Variants in PRDM5 observed in about 807,000 individuals in gnomAD.
The protein encoded by PRDM5 is PR/SET domain 5.
A neutral mutation model predicts 81.2 loss-of-function variants in PRDM5; 56 were observed. That is an observed-to-expected ratio of 0.69 (90% CI 0.56 to 0.86). The LOEUF is 0.86. PRDM5 is among the 40% of genes least tolerant of loss of function. PRDM5 has a pLI of 0.00. For missense variants in PRDM5, 697 were observed against 770.1 expected, an observed-to-expected ratio of 0.91 and a Z score of 1.12; for synonymous variants, 267 against 256.4, an observed-to-expected ratio of 1.04 and a Z score of -0.39.
intron 1 of PRDM5, among the ~76,000 whole-genome samples, chr4:120,685,873 A>G (rs77108502): frequency 0.018 from 2,663 of 151,940 alleles, 80 homozygotes; most frequent in African/African-American, 0.06. Context: ...TATCCTCTCT[A>G]AATCTCATGT....
intron 14 of PRDM5, among the ~76,000 whole-genome samples, chr4:120,722,414 C>G (rs1738758810): frequency 6.6e-6 from 1 of 151,928 alleles, no homozygotes; most frequent in Admixed American, 6.6e-5. Context: ...CTAGCAGAAC[C>G]CTGATTCTAT....
At chr4:120,825,135 C>G (rs1239126848) in intron 3 of PRDM5, among the ~76,000 whole-genome samples, 1 of 152,086 alleles carries the variant, frequency 6.6e-6, no homozygotes, top group Non-Finnish European at 1.5e-5. Context: ...ACTGAGCAAA[C>G]AGCCTAATCT....
intron 3 of PRDM5, chr4:120,838,163 C>T (rs1757579123): frequency 6.6e-6 from 1 of 152,212 alleles, no homozygotes; most frequent in Non-Finnish European, 1.5e-5. Context: ...ACCCCTCTTC[C>T]ATTCAGCCTC....
rs370387683 is a variant in PRDM5 at position 120,863,191 on chromosome 4, T to TACACACACACACACACACACAC, written c.178-9673_178-9652dup. Among the ~76,000 whole-genome samples the TACACACACACACACACACACAC allele has an allele frequency of 2.6e-3, 182 of 70,274 alleles. 1 individual carries two copies. Among genetic ancestry groups the TACACACACACACACACACACAC allele is most frequent in the Non-Finnish European group, 3.9e-3 (140 of 35,962 alleles). The allele number at this position is 70,274 out of a possible 152,430, so 46.1% of individuals were successfully genotyped here. Reference sequence around the variant, plus strand: ...AAAAAAAAAAATATATATATATATATACACACACACACACACACACACACA... The same window carrying TACACACACACACACACACACAC: ...AAAAAAAAAAATATATATATATATATACACACACACACACACACACACACACACACACACACACACACACACA... On this transcript the variant is annotated intron_variant, in intron 2 of 15. Coordinates refer to ENST00000264808, the MANE Select transcript of PRDM5 (RefSeq NM_018699.4).
In PRDM5 at chr4:120,732,765, G is replaced by A. The variant is rs1020751705; in HGVS notation, c.1623+21788C>T. Among the ~76,000 whole-genome samples, 90 of 152,208 alleles carry A rather than the reference G, an allele frequency of 5.9e-4. 2 individuals are homozygous for A. The highest frequency in any genetic ancestry group is 1.8e-4 in the Non-Finnish European group (12 of 68,010). ...GAATTTGAGGAAAGATAATGTCATCGAAGTGCTTGCAGAGAGAGAAATATT... is the reference window on the plus strand; with the variant it reads ...GAATTTGAGGAAAGATAATGTCATCAAAGTGCTTGCAGAGAGAGAAATATT... On this transcript the variant is annotated intron_variant, in intron 14 of 15. Transcript: ENST00000264808.
intron 13 of PRDM5, among the ~76,000 whole-genome samples, chr4:120,769,782 G>A (rs1746969425): frequency 6.6e-6 from 1 of 152,098 alleles, no homozygotes; most frequent in African/African-American, 2.4e-5. Flanking sequence ...AGCTTCTTCA[G>A]AAGACTGCTT....
intron 14 of PRDM5, among the ~76,000 whole-genome samples, chr4:120,720,046 G>T (rs1362440682): frequency 6.6e-6 from 1 of 152,100 alleles, no homozygotes; most frequent in Non-Finnish European, 1.5e-5. Flanking sequence ...CAAAAACGCA[G>T]ACTGGTGAGC....
At chr4:120,834,735 T>C (rs1036267788) in intron 3 of PRDM5, among the ~76,000 whole-genome samples, 1 of 152,152 alleles carries the variant, frequency 6.6e-6, no homozygotes, top group Admixed American at 6.5e-5. Context: ...TAGGTGGGCC[T>C]CATCCAATCA....
chr4:120,798,282 G>A lies in PRDM5; in HGVS notation c.1173C>T (p.Tyr391=). The A allele has an allele frequency of 1.9e-6, 3 of 1,602,048 alleles. No individual in the cohort carries two copies. Among genetic ancestry groups the A allele is most frequent in the East Asian group, 2.2e-5 (1 of 44,652 alleles). ...TAAGTTTTACCTTCTTATGATTCTT[G>A]TAAACATTTCTGTGGGCAAATCCCT... ...CGKGFAHRNV[Y]KNHKKTHSEE... Residue 391 remains tyrosine (Y), a synonymous_variant, in exon 10 of 16, where the codon TAC becomes TAT. Coordinates refer to ENST00000264808, the MANE Select transcript of PRDM5 (RefSeq NM_018699.4).
intron 10 of PRDM5, among the ~76,000 whole-genome samples, chr4:120,785,974 C>T (rs754230332): frequency 1.7e-4 from 26 of 152,028 alleles, no homozygotes; most frequent in Admixed American, 5.2e-4. Flanking sequence ...TAAACCCATT[C>T]GGCACAAATC....
Position 120,922,536 on chromosome 4 carries a change from T to C in PRDM5, c.73A>G (p.Thr25Ala), listed in dbSNP as rs1395414287. Reference sequence around the variant, plus strand: ...CCCACCTTTCGCACTCTGCGGGCCGTGTAGAGCCCCATGCCGTCCTGAACC... The same window carrying C: ...CCCACCTTTCGCACTCTGCGGGCCGCGTAGAGCCCCATGCCGTCCTGAACC... ...SRVQDGMGLY[T>A]ARRVRKGEKF... Residue 25 changes from threonine (T) to alanine (A), a missense_variant, in exon 1 of 16, where the codon ACG (threonine) becomes GCG (alanine). Physicochemically the swap from Thr to Ala is moderately conservative, Grantham distance 58. Coordinates refer to ENST00000264808, the MANE Select transcript of PRDM5 (RefSeq NM_018699.4). 6.2e-7 allele frequency: 1 copy of C among 1,609,444 alleles called. No individual in the cohort carries two copies. The highest frequency in any genetic ancestry group is 8.5e-7 in the Non-Finnish European group (1 of 1,178,424).
intron 2 of PRDM5, chr4:120,896,868 AGAGACGG>A (rs1375213191): frequency 6.6e-6 from 1 of 152,060 alleles, no homozygotes; most frequent in African/African-American, 2.4e-5. Flanking sequence ...TATTTTTAGT[AGAGACGG>A]GGTTTCATCG....
At chr4:120,706,233 C>A (rs1156481611) in intron 15 of PRDM5, among the ~76,000 whole-genome samples, 2 of 152,046 alleles carry the variant, frequency 1.3e-5, no homozygotes. Flanking sequence ...CCTCAGTGAA[C>A]CTCGACTTCT....
intron 14 of PRDM5, among the ~76,000 whole-genome samples, chr4:120,753,666 A>G (rs1050911287): frequency 3.3e-5 from 5 of 152,234 alleles, no homozygotes; most frequent in African/African-American, 1.2e-4. Context: ...TTTAAATTAG[A>G]ATTGTTCTAA....
chr4:120,814,117 T>C (rs1194130599), intron 7 of PRDM5, among the ~76,000 whole-genome samples: 3 of 152,186 alleles, frequency 2.0e-5, no homozygotes, highest in Non-Finnish European at 4.4e-5. Flanking sequence ...AGATAAATGT[T>C]ATCTCCCATT....
intron 2 of PRDM5, among the ~76,000 whole-genome samples, chr4:120,878,385 CTT>C (rs1762527021): frequency 6.6e-6 from 1 of 152,150 alleles, no homozygotes; most frequent in Non-Finnish European, 1.5e-5. Context: ...TAGACACAGA[CTT>C]TATATTTTCC....
intron 2 of PRDM5, among the ~76,000 whole-genome samples, chr4:120,856,642 C>T (rs1759910744): frequency 6.6e-6 from 1 of 152,186 alleles, no homozygotes; most frequent in African/African-American, 2.4e-5. Flanking sequence ...ATCCATCATT[C>T]CTCTTCCCAG....
In PRDM5 at chr4:120,831,816, T is replaced by C. The variant is rs181550070; in HGVS notation, c.301-10471A>G. Reference sequence around the variant, plus strand: ...CAGTAAATTGGTAAATAAATATAGATTTATAAAACTTAAGGTAAAATAAAA... The same window carrying C: ...CAGTAAATTGGTAAATAAATATAGACTTATAAAACTTAAGGTAAAATAAAA... On this transcript the variant is annotated intron_variant, in intron 3 of 15. Transcript: ENST00000264808. Among the ~76,000 whole-genome samples the C allele has an allele frequency of 2.6e-5, 4 of 152,242 alleles. No homozygotes were observed. The East Asian group carries it at 7.7e-4, about 29-fold the overall frequency.
At chr4:120,808,918 A>C (rs570834082) in intron 8 of PRDM5, among the ~76,000 whole-genome samples, 1 of 152,274 alleles carries the variant, frequency 6.6e-6, no homozygotes, top group South Asian at 2.1e-4. Context: ...CAAGCGCCGC[A>C]GGCAGCCCCG....
Sources: gnomAD v4.1 joint callset for allele counts (sites outside exome capture counted in the v4.1 genomes callset) on GRCh38, gnomAD v4.1.1 for gene constraint, MANE v1.5 for transcripts, NCBI Gene and HGNC (gene_info 2026-07-23, HGNC 2026-07-21) for gene names.